Variants in FOXN3 observed in about 807,000 individuals in gnomAD.
FOXN3 encodes the protein forkhead box protein N3.
Under a neutral mutation model 38.4 loss-of-function variants are expected in FOXN3, and 7 were observed. That is an observed-to-expected ratio of 0.18 (90% confidence interval 0.10 to 0.34). The LOEUF (loss-of-function observed/expected upper bound fraction) is 0.34, where lower values mean the gene tolerates loss of function less well. Ranked by LOEUF, FOXN3 falls within the 10% of genes least tolerant of loss-of-function variation. The pLI is 1.00. For missense variants in FOXN3, 456 were observed against 613.4 expected, an observed-to-expected ratio of 0.74 and a Z score of 2.71; for synonymous variants, 230 against 242.2, an observed-to-expected ratio of 0.95 and a Z score of 0.47.
In FOXN3 at chr14:89,325,179, C is replaced by T. The variant is rs140319777; in HGVS notation, c.680+25493G>A. 3.0e-4 allele frequency among the ~76,000 whole-genome samples: 46 copies of T among 151,664 alleles called. 1 individual carries two copies. The East Asian group carries it at 6.8e-3, about 22-fold the overall frequency. ...AGTTCTGCTGAGCTATGCTATTCTT[C>T]GGGCTCCTGCTCCCATGCCCATGCC... is the stretch of plus-strand genomic sequence containing the variant. On this transcript the variant is annotated intron_variant, in intron 3 of 5. Coordinates refer to ENST00000557258, the MANE Select transcript of FOXN3 (RefSeq NM_005197.4).
chr14:89,495,307 A>T (rs1168707577), intron 1 of FOXN3, among the ~76,000 whole-genome samples: 1 of 152,184 alleles, frequency 6.6e-6, no homozygotes, highest in Non-Finnish European at 1.5e-5. Flanking sequence ...AGAAACCACT[A>T]CTTTATTTGT....
At chr14:89,432,118 C>A (rs1455045772) in intron 1 of FOXN3, among the ~76,000 whole-genome samples, 1 of 152,244 alleles carries the variant, frequency 6.6e-6, no homozygotes, top group Non-Finnish European at 1.5e-5. Flanking sequence ...GTCTCTGCTG[C>A]TCCACAACTC....
At chr14:89,607,647 T>C (rs1896300662) in intron 1 of FOXN3, among the ~76,000 whole-genome samples, 1 of 151,476 alleles carries the variant, frequency 6.6e-6, no homozygotes, top group African/African-American at 2.4e-5. Context: ...CAAGTTCTGA[T>C]AAAGCCAAGA....
intron 1 of FOXN3, among the ~76,000 whole-genome samples, chr14:89,572,573 T>C (rs1347429577): frequency 6.6e-6 from 1 of 152,224 alleles, no homozygotes; most frequent in Non-Finnish European, 1.5e-5. Flanking sequence ...AAGCCACCCT[T>C]CATCCTACCT....
chr14:89,519,915 G>A (rs543790331), intron 1 of FOXN3, among the ~76,000 whole-genome samples: 11 of 152,064 alleles, frequency 7.2e-5, no homozygotes, highest in Admixed American at 1.3e-4. Context: ...AAGGTAGTGT[G>A]GAATACAAAA....
Position 89,496,529 on chromosome 14 carries a change from G to C in FOXN3, c.-14-84039C>G, listed in dbSNP as rs1392901341. ...GGGGGGGTCCTTGGGCTTTGGAAGT[G>C]AAAGGGGGATTGGGAGCAGCAGTAA... On this transcript the variant is annotated intron_variant, in intron 1 of 6. Transcript: ENST00000345097. 2.0e-5 allele frequency among the ~76,000 whole-genome samples: 3 copies of C among 152,102 alleles called. No homozygotes were observed. The East Asian group carries it at 5.8e-4, about 29-fold the overall frequency.
chr14:89,416,451 G>C (rs945017015), intron 1 of FOXN3, among the ~76,000 whole-genome samples: 1 of 152,160 alleles, frequency 6.6e-6, no homozygotes, highest in African/African-American at 2.4e-5. Context: ...GGGCCTCGGG[G>C]GTCTCCGGAG....
At chr14:89,588,518 A>T (rs1895891680) in intron 1 of FOXN3, among the ~76,000 whole-genome samples, 1 of 152,198 alleles carries the variant, frequency 6.6e-6, no homozygotes, top group African/African-American at 2.4e-5. Context: ...AGGACAATTC[A>T]GGGAGTGCTC....
chr14:89,585,203 T>A (rs1472962777), intron 1 of FOXN3, among the ~76,000 whole-genome samples: 4 of 152,216 alleles, frequency 2.6e-5, no homozygotes, highest in African/African-American at 9.6e-5. Context: ...AATAACTTAA[T>A]GCCTTCTTCA....
chr14:89,428,623 T>C (rs996974332), intron 1 of FOXN3, among the ~76,000 whole-genome samples: 2 of 152,242 alleles, frequency 1.3e-5, no homozygotes, highest in African/African-American at 4.8e-5. Context: ...CCTGAACATG[T>C]TTCCTCTATG....
At chr14:89,452,811 A>T (rs188363032) in intron 1 of FOXN3, among the ~76,000 whole-genome samples, 1 of 152,360 alleles carries the variant, frequency 6.6e-6, no homozygotes, top group Non-Finnish European at 1.5e-5. Flanking sequence ...CATATAAACC[A>T]GAAATCAAAA....
intron 1 of FOXN3, among the ~76,000 whole-genome samples, chr14:89,536,070 T>C (rs1894679265): frequency 6.6e-6 from 1 of 152,216 alleles, no homozygotes; most frequent in Admixed American, 6.5e-5. Flanking sequence ...GTCTTTCCAA[T>C]ACATCAACAC....
intron 1 of FOXN3, among the ~76,000 whole-genome samples, chr14:89,459,450 A>G (rs1892793135): frequency 6.6e-6 from 1 of 152,194 alleles, no homozygotes; most frequent in African/African-American, 2.4e-5. Context: ...AGGATCTGGT[A>G]CCATAGTGGT....
In FOXN3 at chr14:89,368,303, C is replaced by A. The variant is rs189447393; in HGVS notation, c.544-17495G>T. ...CAAGATCACCCCATTGCACTCCAGC[C>A]TGGATAAAAAGAGTGAAACTCTGTC... On this transcript the variant is annotated intron_variant, in intron 2 of 5. Coordinates refer to ENST00000557258, the MANE Select transcript of FOXN3 (RefSeq NM_005197.4). 3.4e-5 allele frequency among the ~76,000 whole-genome samples: 5 copies of A among 145,628 alleles called. No homozygotes were observed. In the South Asian group the frequency reaches 1.1e-3, roughly 32 times the overall value.
At chr14:89,327,239 C>T (rs1337976521) in intron 3 of FOXN3, among the ~76,000 whole-genome samples, 1 of 152,122 alleles carries the variant, frequency 6.6e-6, no homozygotes, top group East Asian at 1.9e-4. Flanking sequence ...AAGAAGTACA[C>T]TAAGGAGAGA....
rs1032559624 is a variant in FOXN3 at position 89,157,589 on chromosome 14, T to C, written c.*4825A>G. On this transcript the variant is annotated 3_prime_UTR_variant, in exon 6 of 6. Coordinates refer to ENST00000557258, the MANE Select transcript of FOXN3 (RefSeq NM_005197.4). Reference sequence around the variant, plus strand: ...ACACCACACAATGTATATACTTTGATTTACACATTCCGTTACAAAGGAAAA... The same window carrying C: ...ACACCACACAATGTATATACTTTGACTTACACATTCCGTTACAAAGGAAAA... The C allele has an allele frequency of 7.9e-5, 12 of 152,622 alleles. No individual in the cohort carries two copies. The highest frequency in any genetic ancestry group is 2.9e-4 in the African/African-American group (12 of 41,444). The allele number at this position is 152,622 out of a possible 1,614,324, so 9.5% of individuals were successfully genotyped here. A position where few individuals can be genotyped will look rare whatever the true frequency, so the allele number is the denominator to read the frequency against.
intron 1 of FOXN3, among the ~76,000 whole-genome samples, chr14:89,501,463 T>A (rs1056283872): frequency 6.6e-6 from 1 of 152,136 alleles, no homozygotes; most frequent in Non-Finnish European, 1.5e-5. Flanking sequence ...TGTGTTTCCC[T>A]CCTCTGCATA....
At chr14:89,334,455 C>A (rs1315881683) in intron 3 of FOXN3, among the ~76,000 whole-genome samples, 1 of 151,984 alleles carries the variant, frequency 6.6e-6, no homozygotes, top group African/African-American at 2.4e-5. Context: ...ACTAAAAATA[C>A]AAAAATTAGC....
chr14:89,388,753 G>A (rs1310812548), intron 2 of FOXN3, among the ~76,000 whole-genome samples: 1 of 151,634 alleles, frequency 6.6e-6, no homozygotes, highest in Non-Finnish European at 1.5e-5. Context: ...ATGAGAAGCA[G>A]GAAAATCAAG....
Sources: gnomAD v4.1 joint callset for allele counts (sites outside exome capture counted in the v4.1 genomes callset) on GRCh38, gnomAD v4.1.1 for gene constraint, MANE v1.5 for transcripts, NCBI Gene and HGNC (gene_info 2026-07-23, HGNC 2026-07-21) for gene names.